The following SPATA6 variants were observed in gnomAD, a reference collection of about 807,000 sequenced individuals.
SPATA6 encodes spermatogenesis associated 6.
SPATA6 carries 56 observed loss-of-function variants against 65.3 expected under a neutral mutation model. The observed-to-expected ratio is 0.86, with a 90% CI of 0.69 to 1.07. The LOEUF is 1.07. Among genes scored for constraint, SPATA6 ranks in the 50% least tolerant of loss-of-function variants. The pLI, the probability that SPATA6 is intolerant of heterozygous loss-of-function variation, is 0.00. For synonymous variants in SPATA6, 199 were observed against 213.2 expected, an observed-to-expected ratio of 0.93 and a Z score of 0.58; for missense variants, 590 against 594.8, an observed-to-expected ratio of 0.99 and a Z score of 0.08.
At chr1:48,385,275 G>T (rs1041361904) in intron 9 of SPATA6, 34 bp downstream of exon 9, 3 of 1,569,296 alleles carry the variant, frequency 1.9e-6, no homozygotes, top group Non-Finnish European at 2.6e-6. Context: ...CTGAAAGCCA[G>T]AACAATTATT....
Position 48,426,591 on chromosome 1 carries a change from A to T in SPATA6, c.239-13440T>A, listed in dbSNP as rs376991241. On this transcript the variant is annotated intron_variant, in intron 3 of 12. Transcript: ENST00000371847. ...GAACACTACATACGGAAGCTCTTTG[A>T]AGTTAAAATGTTGTCCTGAATCAAT... 1.4e-4 allele frequency among the ~76,000 whole-genome samples: 21 copies of T among 152,214 alleles called. 1 individual carries two copies. The highest frequency in any genetic ancestry group is 5.1e-4 in the African/African-American group (21 of 41,468).
Position 48,359,752 on chromosome 1 carries a change from C to A in SPATA6, c.928G>T (p.Gly310Trp), listed in dbSNP as rs778242786. ...KDYKVIRTPHGRDFDDSLEKC... is the reference protein window; with the variant it reads ...KDYKVIRTPHWRDFDDSLEKC... ...TCTAAAGAGTCATCGAAGTCTCTCC[C>A]ATGGGGTGTCCTGATAACCTGTTTT... is the stretch of plus-strand genomic sequence containing the variant. Residue 310 changes from glycine (G) to tryptophan (W), a missense_variant, in exon 10 of 13, where the codon GGG becomes TGG. By Grantham distance (184) the Gly-to-Trp change is radical. Transcript: ENST00000371847. The A allele has an allele frequency of 6.2e-7, 1 of 1,612,028 alleles. No individual in the cohort carries two copies. Among genetic ancestry groups the A allele is most frequent in the East Asian group, 2.2e-5 (1 of 44,836 alleles).
At chr1:48,361,979 T>C (rs1183234803) in intron 9 of SPATA6, among the ~76,000 whole-genome samples, 1 of 152,038 alleles carries the variant, frequency 6.6e-6, no homozygotes, top group East Asian at 1.9e-4. Flanking sequence ...AAATATGTGA[T>C]CAAGACTGAA....
At chr1:48,399,259 T>C in intron 7 of SPATA6, 92 bp downstream of exon 7, 1 of 1,366,678 alleles carries the variant, frequency 7.3e-7, no homozygotes, top group East Asian at 2.4e-5. Flanking sequence ...ATTATTAATA[T>C]AAGCTAGAAG....
At chr1:48,326,330 C>G (rs1189625225) in intron 11 of SPATA6, among the ~76,000 whole-genome samples, 1 of 151,978 alleles carries the variant, frequency 6.6e-6, no homozygotes, top group African/African-American at 2.4e-5. Flanking sequence ...AGGAGAAATA[C>G]AAAACACTGT....
At chr1:48,282,179 T>C in the SPATA6 span, among the ~76,000 whole-genome samples, 1 of 152,122 alleles carries the variant, frequency 6.6e-6, no homozygotes, top group Non-Finnish European at 1.5e-5. Context: ...TTACAAAAAT[T>C]AATTCAAGAT....
chr1:48,363,754 ACTT>A (rs149723767), intron 9 of SPATA6, among the ~76,000 whole-genome samples: 16,373 of 151,120 alleles, frequency 0.11, 961 homozygotes, highest in African/African-American at 0.15. Flanking sequence ...AAAAAAGGAA[ACTT>A]CTTTTTTTTC....
chr1:48,467,333 T>C (rs1369126568), intron 1 of SPATA6, among the ~76,000 whole-genome samples: 4 of 152,050 alleles, frequency 2.6e-5, no homozygotes, highest in Non-Finnish European at 4.4e-5. Context: ...AAGAATGAGA[T>C]TGCAACTTTC....
At chr1:48,272,394 T>C in the SPATA6 span, among the ~76,000 whole-genome samples, 62 of 152,312 alleles carry the variant, frequency 4.1e-4, no homozygotes, top group South Asian at 2.7e-3. Flanking sequence ...TCTACTTCTA[T>C]GAGTTTGACT....
At chr1:48,339,957 G>A (rs1008649189) in intron 11 of SPATA6, among the ~76,000 whole-genome samples, 2 of 151,978 alleles carry the variant, frequency 1.3e-5, no homozygotes, top group Admixed American at 1.3e-4. Flanking sequence ...AAGAAAGTCT[G>A]AGTACACCAA....
chr1:48,457,213 C>T (rs570685598), intron 1 of SPATA6, among the ~76,000 whole-genome samples: 1 of 152,320 alleles, frequency 6.6e-6, no homozygotes, highest in South Asian at 2.1e-4. Context: ...GAGTGGATCT[C>T]CTGAGGTCAG....
At chr1:48,385,227 C>T in intron 9 of SPATA6, 82 bp downstream of exon 9, 3 of 1,153,258 alleles carry the variant, frequency 2.6e-6, no homozygotes, top group Non-Finnish European at 3.6e-6. Flanking sequence ...TAATCCCTAT[C>T]TGATATACAT....
chr1:48,361,521 A>G (rs561025874), intron 9 of SPATA6, among the ~76,000 whole-genome samples: 1 of 152,262 alleles, frequency 6.6e-6, no homozygotes, highest in South Asian at 2.1e-4. Context: ...CATTTAACAA[A>G]TATTTGAGTC....
chr1:48,418,166 A>G (rs189317961), intron 3 of SPATA6, among the ~76,000 whole-genome samples: 152 of 152,310 alleles, frequency 1.0e-3, no homozygotes, highest in African/African-American at 3.4e-3. Context: ...CTGGATAAGC[A>G]ACTTTTGCTT....
intron 9 of SPATA6, among the ~76,000 whole-genome samples, chr1:48,376,895 C>T (rs1464641647): frequency 1.3e-5 from 2 of 152,026 alleles, no homozygotes; most frequent in Non-Finnish European, 2.9e-5. Context: ...TATATCAGAC[C>T]TAAACATAGA....
At chr1:48,339,536 AAT>A (rs774599578) in intron 11 of SPATA6, among the ~76,000 whole-genome samples, 5 of 152,008 alleles carry the variant, frequency 3.3e-5, no homozygotes, top group African/African-American at 4.8e-5. Context: ...AGTTGGGCAA[AAT>A]AGAGAAAGTT....
At chr1:48,404,009 T>A (rs1651441043) in intron 5 of SPATA6, 127 bp from the exon 6 acceptor site, 1 of 624,792 alleles carries the variant, frequency 1.6e-6, no homozygotes, top group South Asian at 2.6e-5. Flanking sequence ...TAGTTTGAAC[T>A]TTTCATTAAA....
intron 1 of SPATA6, among the ~76,000 whole-genome samples, chr1:48,469,729 C>T (rs921126826): frequency 6.6e-6 from 1 of 151,538 alleles, no homozygotes; most frequent in Non-Finnish European, 1.5e-5. Context: ...GGTCATATAA[C>T]CTTTCTATTC....
chr1:48,472,014 CG>C lies in SPATA6; in HGVS notation c.-7del. 5.2e-6 allele frequency: 7 copies of C among 1,350,746 alleles called. No individual in the cohort carries two copies. Among genetic ancestry groups the C allele is most frequent in the Admixed American group, 2.2e-5 (1 of 44,494 alleles). The allele number at this position is 1,350,746 out of a possible 1,614,324, so 83.7% of individuals were successfully genotyped here. ...AGCGCCTTCACCTTCGGCATCCGTG[CG>C]GGGAGGGGCGGCGGGGAGTGACCCC... On this transcript the variant is annotated 5_prime_UTR_variant, in exon 1 of 13. Coordinates refer to ENST00000371847, the MANE Select transcript of SPATA6 (RefSeq NM_019073.4).
Sources: allele counts gnomAD v4.1 joint callset (sites outside exome capture counted in the v4.1 genomes callset), GRCh38; gene constraint gnomAD v4.1.1; transcripts MANE v1.5; gene names NCBI Gene and HGNC (gene_info 2026-07-23, HGNC 2026-07-21).